The following GMDS variants were observed in gnomAD, a reference collection of about 807,000 sequenced individuals.
GMDS encodes the protein GDP-mannose 4,6 dehydratase.
Under a neutral mutation model 49.9 loss-of-function variants are expected in GMDS, and 20 were observed. The ratio of observed to expected loss-of-function variants is 0.40; its 90% confidence interval spans 0.28 to 0.58. GMDS has a LOEUF of 0.58. GMDS is among the 20% of genes least tolerant of loss of function. The pLI is 0.42. For synonymous variants in GMDS, 177 were observed against 178.6 expected, an observed-to-expected ratio of 0.99 and a Z score of 0.07; for missense variants, 362 against 481.4, an observed-to-expected ratio of 0.75 and a Z score of 2.32.
chr6:1,915,906 C>G (rs2113890611), intron 7 of GMDS, among the ~76,000 whole-genome samples: 1 of 152,288 alleles, frequency 6.6e-6, no homozygotes, highest in Admixed American at 6.5e-5. Context: ...GTTTCAGGCT[C>G]AAGGAAGGCT....
chr6:1,702,089 GA>G (rs1765562494), intron 9 of GMDS, among the ~76,000 whole-genome samples: 1 of 152,258 alleles, frequency 6.6e-6, no homozygotes, highest in African/African-American at 2.4e-5. Context: ...TTAAGACAAG[GA>G]AAGTTTGGAA....
intron 1 of GMDS, among the ~76,000 whole-genome samples, chr6:2,143,148 C>T (rs1234594820): frequency 2.0e-5 from 3 of 152,170 alleles, no homozygotes; most frequent in East Asian, 1.9e-4. Context: ...AATTAAAATT[C>T]ATTGTCCTTG....
chr6:2,158,231 A>G (rs1777205263), intron 1 of GMDS, among the ~76,000 whole-genome samples: 1 of 152,334 alleles, frequency 6.6e-6, no homozygotes, highest in South Asian at 2.1e-4. Flanking sequence ...ACATATATAC[A>G]TACATATATA....
chr6:2,108,033 T>C (rs1211259334), intron 4 of GMDS, among the ~76,000 whole-genome samples: 1 of 152,160 alleles, frequency 6.6e-6, no homozygotes, highest in Non-Finnish European at 1.5e-5. Context: ...TCATATAACA[T>C]CATAATAAAC....
At position 1,833,657 on chromosome 6, in the gene GMDS, A is replaced by AT. The variant is rs1220029609; in HGVS notation, c.772-91072dup. Among the ~76,000 whole-genome samples, 1 of 152,160 alleles carries AT rather than the reference A, an allele frequency of 6.6e-6. No homozygotes were observed. The highest frequency in any genetic ancestry group is 1.9e-4 in the East Asian group (1 of 5,200). On this transcript the variant is annotated intron_variant, in intron 7 of 10. Transcript: ENST00000380815. The surrounding 1 kb of genome is among the most constrained non-coding windows in gnomAD (Gnocchi z 4.4). ...AAACAAAACTTCACACCCCACACAT[A>AT]TTTTGGATGACCTAATTCTTCCAGC...
intron 7 of GMDS, among the ~76,000 whole-genome samples, chr6:1,917,640 A>C (rs1410508996): frequency 6.6e-6 from 1 of 152,260 alleles, no homozygotes; most frequent in Non-Finnish European, 1.5e-5. Context: ...AAAGCACATG[A>C]AACTATGCAG....
intron 1 of GMDS, among the ~76,000 whole-genome samples, chr6:2,237,258 A>G (rs78957799): frequency 0.015 from 2,308 of 152,344 alleles, 68 homozygotes; most frequent in African/African-American, 0.053. Flanking sequence ...AGATTTTGGC[A>G]GGAAAATTGC....
intron 9 of GMDS, among the ~76,000 whole-genome samples, chr6:1,650,051 C>T (rs578217092): frequency 6.6e-5 from 10 of 152,302 alleles, no homozygotes; most frequent in South Asian, 2.1e-4. Flanking sequence ...ACGACTTCCA[C>T]GGCCTCAGTT....
chr6:2,107,898 CATTCTGCTCA>C, intron 4 of GMDS, among the ~76,000 whole-genome samples: 1 of 152,318 alleles, frequency 6.6e-6, no homozygotes, highest in East Asian at 1.9e-4. Flanking sequence ...ACAAGTAAAG[CATTCTGCTCA>C]TAAGGAATCT....
At chr6:2,081,970 G>T (rs1316899812) in intron 4 of GMDS, among the ~76,000 whole-genome samples, 1 of 152,086 alleles carries the variant, frequency 6.6e-6, no homozygotes, top group East Asian at 1.9e-4. Context: ...CAAACCCAAT[G>T]CCCAGCTCAA....
intron 1 of GMDS, among the ~76,000 whole-genome samples, chr6:2,183,464 T>A (rs535584583): frequency 6.6e-6 from 1 of 152,216 alleles, no homozygotes; most frequent in Non-Finnish European, 1.5e-5. Flanking sequence ...AAAACTTGAA[T>A]GGCTGAGGAG....
At chr6:1,810,552 G>C (rs890991075) in intron 7 of GMDS, among the ~76,000 whole-genome samples, 1 of 152,142 alleles carries the variant, frequency 6.6e-6, no homozygotes, top group African/African-American at 2.4e-5. Flanking sequence ...CAGAGTGCTA[G>C]GGTTACAGGC....
At chr6:1,668,733 A>C (rs1327918442) in intron 9 of GMDS, among the ~76,000 whole-genome samples, 1 of 152,084 alleles carries the variant, frequency 6.6e-6, no homozygotes, top group Non-Finnish European at 1.5e-5. Flanking sequence ...AACAAAAAAA[A>C]CCACTGGGAA....
At chr6:2,151,368 C>A (rs1316811351) in intron 1 of GMDS, among the ~76,000 whole-genome samples, 1 of 151,850 alleles carries the variant, frequency 6.6e-6, no homozygotes, top group Non-Finnish European at 1.5e-5. Flanking sequence ...TGAAGATCCC[C>A]AAAAGCAAAT....
intron 9 of GMDS, among the ~76,000 whole-genome samples, chr6:1,673,467 C>T (rs76647129): frequency 0.028 from 4,235 of 151,996 alleles, 184 homozygotes; most frequent in African/African-American, 0.097. Context: ...GACCTTTCCT[C>T]CACCCCACTC....
At chr6:2,045,060 T>C (rs1236364087) in intron 4 of GMDS, among the ~76,000 whole-genome samples, 1 of 152,210 alleles carries the variant, frequency 6.6e-6, no homozygotes, top group Non-Finnish European at 1.5e-5. Context: ...TCACAATTGT[T>C]ACTAATGTTT....
intron 2 of GMDS, among the ~76,000 whole-genome samples, chr6:2,118,445 T>C (rs891088550): frequency 6.6e-6 from 1 of 152,212 alleles, no homozygotes; most frequent in Non-Finnish European, 1.5e-5. Flanking sequence ...TGCTGAAAAG[T>C]TCATTTGCAG....
At chr6:2,236,240 T>C (rs538722765) in intron 1 of GMDS, among the ~76,000 whole-genome samples, 1 of 152,264 alleles carries the variant, frequency 6.6e-6, no homozygotes, top group African/African-American at 2.4e-5. Flanking sequence ...GTTACCCACA[T>C]GGTCTTTGAG....
At chr6:1,873,707 C>A (rs769310444) in intron 7 of GMDS, among the ~76,000 whole-genome samples, 1 of 152,130 alleles carries the variant, frequency 6.6e-6, no homozygotes, top group Non-Finnish European at 1.5e-5. Context: ...CAGTAAAGAT[C>A]CTCTTTATCT....
Sources: allele counts gnomAD v4.1 joint callset (sites outside exome capture counted in the v4.1 genomes callset), GRCh38; gene constraint gnomAD v4.1.1; non-coding constraint Gnocchi (gnomAD v3.1); transcripts MANE v1.5; gene names NCBI Gene and HGNC (gene_info 2026-07-23, HGNC 2026-07-21).